Variants in LRP1B observed in about 807,000 individuals in gnomAD.
The protein encoded by LRP1B is low-density lipoprotein receptor-related protein 1B.
Under a neutral mutation model 556.6 loss-of-function variants are expected in LRP1B, and 217 were observed. The ratio of observed to expected loss-of-function variants is 0.39; its 90% CI spans 0.35 to 0.44. The LOEUF is 0.44. Among genes scored for constraint, LRP1B ranks in the 20% least tolerant of loss-of-function variants. LRP1B has a pLI of 1.00. For synonymous variants in LRP1B, 2,047 were observed against 1,865.8 expected, an observed-to-expected ratio of 1.10 and a Z score of -2.50; for missense variants, 5,053 against 5,620.8, an observed-to-expected ratio of 0.90 and a Z score of 3.23.
intron 1 of LRP1B, among the ~76,000 whole-genome samples, chr2:142,067,905 A>G (rs1705166462): frequency 6.6e-6 from 1 of 151,580 alleles, no homozygotes; most frequent in Non-Finnish European, 1.5e-5. Flanking sequence ...TAATTAAACT[A>G]TTTGGAAATA....
intron 66 of LRP1B, among the ~76,000 whole-genome samples, chr2:140,426,790 G>C (rs1263689782): frequency 6.6e-6 from 1 of 152,172 alleles, no homozygotes; most frequent in Non-Finnish European, 1.5e-5. Flanking sequence ...CTCTTCACAT[G>C]GACGTGCATG....
chr2:140,859,959 C>A (rs575192423), intron 27 of LRP1B, among the ~76,000 whole-genome samples: 13 of 152,186 alleles, frequency 8.5e-5, no homozygotes, highest in African/African-American at 3.1e-4. Context: ...CGCACCCCTG[C>A]ACTCCAGCCT....
intron 3 of LRP1B, among the ~76,000 whole-genome samples, chr2:141,466,769 A>G (rs1682217860): frequency 6.6e-6 from 1 of 152,126 alleles, no homozygotes; most frequent in Non-Finnish European, 1.5e-5. Flanking sequence ...CCCGAGTCAC[A>G]TACGGAATTG....
intron 41 of LRP1B, among the ~76,000 whole-genome samples, chr2:140,617,255 T>C (rs1364224436): frequency 6.6e-6 from 1 of 151,954 alleles, no homozygotes; most frequent in African/African-American, 2.4e-5. Context: ...AAAAACAGAA[T>C]GTAAGCATCT....
At chr2:141,468,354 T>C (rs543938493) in intron 3 of LRP1B, among the ~76,000 whole-genome samples, 20 of 152,262 alleles carry the variant, frequency 1.3e-4, no homozygotes, top group African/African-American at 4.3e-4. Context: ...ACAAACCCAG[T>C]TGAAGAGTAT....
chr2:141,912,399 T>C (rs941422256), intron 1 of LRP1B, among the ~76,000 whole-genome samples: 4 of 152,160 alleles, frequency 2.6e-5, no homozygotes, highest in Non-Finnish European at 5.9e-5. Context: ...GAGTTTAGAT[T>C]ATCAATAATG....
intron 2 of LRP1B, among the ~76,000 whole-genome samples, chr2:141,713,110 G>T (rs12471563): frequency 0.21 from 31,190 of 149,912 alleles, 4,060 homozygotes; most frequent in East Asian, 0.5. Flanking sequence ...TTGAGACAGG[G>T]TCTCACTCTG....
intron 6 of LRP1B, among the ~76,000 whole-genome samples, chr2:141,199,525 T>C (rs182838319): frequency 2.3e-4 from 35 of 152,286 alleles, no homozygotes; most frequent in Middle Eastern, 3.4e-3. Context: ...CTAAACTCCC[T>C]GTTCTAATAT....
At chr2:140,887,284 G>C (rs1015679774) in intron 23 of LRP1B, among the ~76,000 whole-genome samples, 1 of 152,124 alleles carries the variant, frequency 6.6e-6, no homozygotes, top group Non-Finnish European at 1.5e-5. Context: ...GAAAATGTTT[G>C]TGTTGGATGC....
chr2:141,809,628 G>A (rs1158489413), intron 2 of LRP1B, among the ~76,000 whole-genome samples: 1 of 151,956 alleles, frequency 6.6e-6, no homozygotes, highest in East Asian at 1.9e-4. Flanking sequence ...AAAGCCTTCG[G>A]TGGATTCCAA....
chr2:140,641,352 A>G (rs376785913), intron 41 of LRP1B, among the ~76,000 whole-genome samples: 3 of 152,254 alleles, frequency 2.0e-5, no homozygotes, highest in East Asian at 1.9e-4. Context: ...ATATTTTTAG[A>G]ATAACAAGGT....
chr2:140,571,014 A>C lies in LRP1B; in HGVS notation c.7194+27617T>G, dbSNP rs139318623. On this transcript the variant is annotated intron_variant, in intron 43 of 90. Transcript: ENST00000389484. The stretch of plus-strand genomic sequence containing the variant: ...AACAAATTAAGTAAATAAGTAATGC[A>C]TAAAGGCCATATATGACAAGCACAA... Among the ~76,000 whole-genome samples the C allele has an allele frequency of 6.0e-3, 919 of 152,000 alleles. 2 individuals are homozygous for C. The highest frequency in any genetic ancestry group is 0.014 in the Middle Eastern group (4 of 294).
chr2:141,196,911 C>G (rs1681776109), intron 6 of LRP1B, among the ~76,000 whole-genome samples: 1 of 152,036 alleles, frequency 6.6e-6, no homozygotes, highest in Non-Finnish European at 1.5e-5. Context: ...ATCCCCACCC[C>G]ACCTTACAAT....
intron 7 of LRP1B, among the ~76,000 whole-genome samples, chr2:141,107,390 G>A (rs1198128911): frequency 5.3e-5 from 8 of 152,180 alleles, no homozygotes; most frequent in Non-Finnish European, 7.3e-5. Flanking sequence ...GCTCATGCCT[G>A]TAATCCCAGC....
chr2:141,671,527 G>T (rs534728215), intron 2 of LRP1B, among the ~76,000 whole-genome samples: 13 of 152,308 alleles, frequency 8.5e-5, no homozygotes, highest in African/African-American at 3.1e-4. Flanking sequence ...ATACTGGGGT[G>T]TGTTTATACC....
chr2:140,515,325 GT>G (rs1689847787), intron 50 of LRP1B, among the ~76,000 whole-genome samples: 1 of 151,936 alleles, frequency 6.6e-6, no homozygotes, highest in Non-Finnish European at 1.5e-5. Flanking sequence ...AAACACTTGG[GT>G]TTGTTATACC....
At chr2:140,802,630 C>A (rs1016056293) in intron 32 of LRP1B, among the ~76,000 whole-genome samples, 1 of 152,046 alleles carries the variant, frequency 6.6e-6, no homozygotes, top group Admixed American at 6.6e-5. Flanking sequence ...TCTAGTGATG[C>A]TTTATATGAG....
At chr2:141,943,909 GA>G (rs995001971) in intron 1 of LRP1B, among the ~76,000 whole-genome samples, 7 of 152,122 alleles carry the variant, frequency 4.6e-5, no homozygotes, top group Non-Finnish European at 1.0e-4. Context: ...TAGGTAAAAG[GA>G]AAAACAATGC....
rs111270256 is a variant in LRP1B at position 141,827,546 on chromosome 2, T to C, written c.83-17145A>G. ...AGCAGGAGAAATTCTACATGAGGAA[T>C]CCAGAGAGTTGACATCAGACTACTC... On this transcript the variant is annotated intron_variant, in intron 1 of 90. Transcript: ENST00000389484. Among the ~76,000 whole-genome samples, 290 of 152,272 alleles carry C rather than the reference T, an allele frequency of 1.9e-3. 2 individuals are homozygous for C. The highest frequency in any genetic ancestry group is 6.4e-3 in the African/African-American group (265 of 41,562).
Sources: gnomAD v4.1 joint callset for allele counts (sites outside exome capture counted in the v4.1 genomes callset) on GRCh38, gnomAD v4.1.1 for gene constraint, MANE v1.5 for transcripts, NCBI Gene and HGNC (gene_info 2026-07-23, HGNC 2026-07-21) for gene names.